The following CAPZA1 variants were observed in gnomAD, a reference collection of about 807,000 sequenced individuals.
CAPZA1 encodes the protein capping actin protein of muscle Z-line subunit alpha 1.
A neutral mutation model predicts 40.8 loss-of-function variants in CAPZA1; 10 were observed. That is an observed-to-expected ratio of 0.25 (90% CI 0.15 to 0.42). The LOEUF (loss-of-function observed/expected upper bound fraction) is 0.42. Ranked by LOEUF, CAPZA1 falls within the 10% of genes least tolerant of loss-of-function variation. The pLI is 1.00. For missense variants in CAPZA1, 277 were observed against 353.8 expected (o/e 0.78, Z 1.74); for synonymous variants, 98 against 115.0 (o/e 0.85, Z 0.95).
At chr1:112,653,320 G>A (rs1557734725) in intron 3 of CAPZA1, among the ~76,000 whole-genome samples, 1 of 152,164 alleles carries the variant, frequency 6.6e-6, no homozygotes, top group African/African-American at 2.4e-5. Context: ...CTTTGGAATT[G>A]TCTAAGCAGA....
chr1:112,636,945 C>G (rs142255840), intron 1 of CAPZA1, among the ~76,000 whole-genome samples: 45 of 152,310 alleles, frequency 3.0e-4, no homozygotes, highest in Non-Finnish European at 5.0e-4. Context: ...ATCATTTTAT[C>G]TATTCTTCTC....
chr1:112,653,732 A>C, intron 4 of CAPZA1, 71 bp downstream of exon 4: 1 of 1,007,884 alleles, frequency 9.9e-7, no homozygotes, highest in South Asian at 1.4e-5. Flanking sequence ...ACCAAAGCAG[A>C]TGTCTGAACC....
At chr1:112,624,793 TC>T (rs1485168286) in intron 1 of CAPZA1, among the ~76,000 whole-genome samples, 2 of 152,070 alleles carry the variant, frequency 1.3e-5, no homozygotes, top group East Asian at 3.8e-4. Context: ...AGGAATTGGA[TC>T]AAACCAGCCC....
intron 7 of CAPZA1, among the ~76,000 whole-genome samples, chr1:112,662,931 A>G (rs1471418136): frequency 6.6e-6 from 1 of 151,566 alleles, no homozygotes; most frequent in Non-Finnish European, 1.5e-5. Flanking sequence ...AATATCTCCC[A>G]TCCTGTTTGT....
intron 1 of CAPZA1, among the ~76,000 whole-genome samples, chr1:112,634,944 A>C (rs1670987194): frequency 6.6e-6 from 1 of 152,162 alleles, no homozygotes; most frequent in Admixed American, 6.5e-5. Context: ...AAAACTGAGA[A>C]CATTTCCTTT....
rs377117962 is a variant in CAPZA1, at chr1:112,640,787, A to C, written c.40-6423A>C. On this transcript the variant is annotated intron_variant, in intron 1 of 9. Coordinates refer to ENST00000263168, the MANE Select transcript of CAPZA1 (RefSeq NM_006135.3). ...GGCTTTGTGGAATAGAGAGGGGAGAAAGGTGGGGAAATGATTGAGAAATCG... is the reference window on the plus strand; with the variant it reads ...GGCTTTGTGGAATAGAGAGGGGAGACAGGTGGGGAAATGATTGAGAAATCG... 3.3e-5 allele frequency among the ~76,000 whole-genome samples: 5 copies of C among 152,334 alleles called. No homozygotes were observed. The East Asian group carries it at 7.7e-4, about 23-fold the overall frequency.
intron 7 of CAPZA1, chr1:112,666,860 T>G: frequency 1.9e-6 from 1 of 513,964 alleles, no homozygotes; most frequent in Non-Finnish European, 3.4e-6. Context: ...TAATAATCAG[T>G]TTTCCTTGCT....
chr1:112,651,592 G>T lies in CAPZA1; in HGVS notation c.156-2006G>T, dbSNP rs554765737. 2.0e-5 allele frequency among the ~76,000 whole-genome samples: 3 copies of T among 152,304 alleles called. No individual in the cohort carries two copies. In the South Asian group the frequency reaches 6.2e-4, roughly 32 times the overall value. ...TGGCTTAGGCAGCTGGTAAAATGGA[G>T]ATGCTGTTTACTTGAGATGGAATTA... On this transcript the variant is annotated intron_variant, in intron 3 of 9. Coordinates refer to ENST00000263168, the MANE Select transcript of CAPZA1 (RefSeq NM_006135.3).
rs1553178319 is a variant in CAPZA1 at position 112,624,023 on chromosome 1, A to AAG, written c.39+4141_39+4142insGA. The stretch of plus-strand genomic sequence containing the variant: ...TCCATCTCAAAAAAAAAAAAAAAGA[A>AAG]AAAAGAAAAGAAAAAGAAATCCTAG... On this transcript the variant is annotated intron_variant, in intron 1 of 9. Transcript: ENST00000263168. 1.9e-3 allele frequency among the ~76,000 whole-genome samples: 291 copies of AAG among 150,066 alleles called. 7 individuals are homozygous for AAG. Among genetic ancestry groups the AAG allele is most frequent in the African/African-American group, 6.8e-3 (279 of 40,768 alleles).
intron 1 of CAPZA1, among the ~76,000 whole-genome samples, chr1:112,634,339 A>C (rs1670977546): frequency 6.6e-6 from 1 of 152,224 alleles, no homozygotes; most frequent in South Asian, 2.1e-4. Context: ...GGAAAACTTT[A>C]AAAACTTTGA....
intron 1 of CAPZA1, among the ~76,000 whole-genome samples, chr1:112,623,726 G>A (rs373432632): frequency 9.3e-5 from 14 of 150,852 alleles, no homozygotes; most frequent in South Asian, 2.1e-4. Context: ...GGTGGTTCAT[G>A]CCTGTAATCC....
At chr1:112,662,666 G>A (rs1298806777) in intron 7 of CAPZA1, among the ~76,000 whole-genome samples, 7 of 151,968 alleles carry the variant, frequency 4.6e-5, no homozygotes, top group East Asian at 1.9e-4. Context: ...CCAAAATGCT[G>A]GGATTACAGG....
At chr1:112,648,347 CTTTTTTT>C (rs35670246) in intron 2 of CAPZA1, among the ~76,000 whole-genome samples, 26 of 99,406 alleles carry the variant, frequency 2.6e-4, no homozygotes, top group South Asian at 6.8e-4. Flanking sequence ...TTGAATTTTT[CTTTTTTT>C]TTTTTTTTTT....
intron 1 of CAPZA1, among the ~76,000 whole-genome samples, chr1:112,623,825 G>A (rs1180006148): frequency 6.6e-6 from 1 of 151,502 alleles, no homozygotes; most frequent in Non-Finnish European, 1.5e-5. Context: ...CTAACGCAGT[G>A]AAACACCGTC....
At chr1:112,626,562 A>G (rs557940723) in intron 1 of CAPZA1, among the ~76,000 whole-genome samples, 1 of 152,270 alleles carries the variant, frequency 6.6e-6, no homozygotes, top group Admixed American at 6.5e-5. Context: ...ATCTTTTCTA[A>G]TTCTATGCAT....
rs377728561 is a variant in CAPZA1, at chr1:112,669,642, A to G, written c.720+37A>G. ...TGGAGTTAATTTTCCTAGATCTACT[A>G]TCTTATTATTTCGCTGTTAGCATAT... On this transcript the variant is annotated intron_variant, in intron 9 of 9. Transcript: ENST00000263168. 5 of 1,387,946 alleles carry G rather than the reference A, an allele frequency of 3.6e-6. No homozygotes were observed. In the African/African-American group the frequency reaches 4.3e-5, roughly 12 times the overall value. 86.0% of individuals were successfully genotyped at this position (1,387,946 alleles called of 1,614,324 possible).
intron 5 of CAPZA1, 148 bp from the exon 6 acceptor site, chr1:112,658,874 C>A (rs748395988): frequency 1.6e-4 from 95 of 610,550 alleles, no homozygotes; most frequent in Non-Finnish European, 2.6e-4. Context: ...GCTTTGTTTT[C>A]ATATCCCATG....
intron 1 of CAPZA1, chr1:112,620,243 T>G (rs1570693047): frequency 5.2e-6 from 1 of 190,924 alleles, no homozygotes; most frequent in East Asian, 1.3e-4. Context: ...TTTACCGCCT[T>G]TAGCAGTTGG....
chr1:112,629,686 T>C (rs1670883007), intron 1 of CAPZA1, among the ~76,000 whole-genome samples: 1 of 152,230 alleles, frequency 6.6e-6, no homozygotes, highest in Admixed American at 6.5e-5. Flanking sequence ...CTTTAGCAAG[T>C]GGCCATTGCC....
Sources: allele counts gnomAD v4.1 joint callset (sites outside exome capture counted in the v4.1 genomes callset), GRCh38; gene constraint gnomAD v4.1.1; transcripts MANE v1.5; gene names NCBI Gene and HGNC (gene_info 2026-07-23, HGNC 2026-07-21).